PARP10: variants seen among roughly 807,000 people sequenced by gnomAD.
The protein encoded by PARP10 is protein mono-ADP-ribosyltransferase PARP10.
A neutral mutation model predicts 82.4 loss-of-function variants in PARP10; 56 were observed. The ratio of observed to expected loss-of-function variants is 0.68; its 90% CI spans 0.55 to 0.85. The LOEUF is 0.85. PARP10 is among the 40% of genes least tolerant of loss of function. The pLI is 0.00. For synonymous variants in PARP10, 576 were observed against 601.1 expected (o/e 0.96, Z 0.61); for missense variants, 1,227 against 1,379.4 (o/e 0.89, Z 1.75).
In PARP10 at chr8:143,984,390, A is replaced by C. The variant is rs782158914; in HGVS notation, c.1500T>G (p.Phe500Leu). The part of the protein sequence containing the change: ...AQASCQAAEE[F>L]LRSLLGSISC... ...TAATGCTGCCCAGCAGGCTCCGCAG[A>C]AACTCCTCAGCCGCCTGGCAGGAAG... Residue 500 changes from phenylalanine (F) to leucine (L), a missense_variant, in exon 6 of 11, where the codon TTT (phenylalanine) becomes TTG (leucine). Transcript: ENST00000313028. 22 of 1,612,476 alleles carry C rather than the reference A, an allele frequency of 1.4e-5. No individual in the cohort carries two copies. In the South Asian group the frequency reaches 2.4e-4, roughly 18 times the overall value.
chr8:143,984,416 C>G lies in PARP10; in HGVS notation c.1474G>C (p.Ala492Pro), dbSNP rs781795471. Residue 492 changes from alanine (A) to proline (P), a missense_variant, in exon 6 of 11, where the codon GCT becomes CCT. Transcript: ENST00000313028. ...MTGFRLCGAQ[A>P]SCQAAEEFLR... ...AACTCCTCAGCCGCCTGGCAGGAAG[C>G]CTGGGCTCCACAGAGCTGCAGGGCC... The G allele has an allele frequency of 1.2e-6, 2 of 1,609,742 alleles. No homozygotes were observed. The highest frequency in any genetic ancestry group is 2.7e-5 in the African/African-American group (2 of 74,864).
rs1554748476 is a variant in PARP10, at chr8:143,983,999, G to A, written c.1777+9C>T. ...ACAGGATGTGCTGAGGGCTCCCAGG[G>A]AGCCCTACCCAGGCTCACGTCCTCC... On this transcript the variant is annotated intron_variant, in intron 7 of 10. Coordinates refer to ENST00000313028, the MANE Select transcript of PARP10 (RefSeq NM_032789.5). 4 of 1,511,750 alleles carry A rather than the reference G, an allele frequency of 2.6e-6. No homozygotes were observed. Among genetic ancestry groups the A allele is most frequent in the African/African-American group, 1.4e-5 (1 of 71,474 alleles). 93.6% of individuals were successfully genotyped at this position (1,511,750 alleles called of 1,614,324 possible). A position where few individuals can be genotyped will look rare whatever the true frequency, so the allele number is the denominator to read the frequency against.
At chr8:143,992,084 C>A, upstream of PARP10, 1 of 1,613,022 alleles carries the variant, frequency 6.2e-7, no homozygotes, top group Non-Finnish European at 8.5e-7. Flanking sequence ...CACTGGTAAC[C>A]CCCAAACCTG....
chr8:144,001,873 C>CGTGTGTGTGTGTGT lies in PARP10; in HGVS notation c.-80+10643_-80+10656dup, dbSNP rs57117824. Among the ~76,000 whole-genome samples the CGTGTGTGTGTGTGT allele has an allele frequency of 2.5e-3, 336 of 136,496 alleles. 7 individuals are homozygous for CGTGTGTGTGTGTGT. The highest frequency in any genetic ancestry group is 8.6e-3 in the African/African-American group (316 of 36,850). 89.5% of individuals were successfully genotyped at this position (136,496 alleles called of 152,430 possible). A position where few individuals can be genotyped will look rare whatever the true frequency, so the allele number is the denominator to read the frequency against. On this transcript the variant is annotated intron_variant, in intron 1 of 3. Transcript: ENST00000530478. ...CAAGATCCATCTTTAAATATATATA[C>CGTGTGTGTGTGTGT]GTGTGTGTGTGTGTGTGTGTGTGTG...
upstream of PARP10, chr8:143,992,935 T>C (rs543745973): frequency 2.8e-6 from 3 of 1,060,636 alleles, no homozygotes; most frequent in South Asian, 2.9e-5. Flanking sequence ...CCCTCTCTCT[T>C]GTCCCCAGGC....
intron 1 of PARP10, among the ~76,000 whole-genome samples, chr8:144,004,557 C>A (rs1210190730): frequency 1.3e-5 from 2 of 152,188 alleles, no homozygotes; most frequent in African/African-American, 4.8e-5. Flanking sequence ...GAAGACTGGG[C>A]TAGATTTAAA....
intron 9 of PARP10, among the ~76,000 whole-genome samples, chr8:143,980,988 G>A (rs191192557): frequency 2.0e-4 from 31 of 152,092 alleles, no homozygotes; most frequent in Admixed American, 1.6e-3. Context: ...AGAGAGAAGC[G>A]AGGCCCATTC....
In PARP10 at chr8:143,985,551, C is replaced by T. The variant is rs781804714; in HGVS notation, c.534G>A (p.Val178=). ...GCAGGTCCACAGAGGCACCATCCCC[C>T]ACCACACGCACCGCTCGGGCCTGGG... ...RVPQARAVRV[V]GDGASVDLLL... The change falls in exon 4 of 11, where the codon GTG becomes GTA. Residue 178 remains valine, a synonymous_variant. Transcript: ENST00000313028. 1 of 1,614,060 alleles carries T rather than the reference C, an allele frequency of 6.2e-7. No homozygotes were observed. The highest frequency in any genetic ancestry group is 1.7e-5 in the Admixed American group (1 of 60,028).
chr8:143,997,462 G>T (rs1834171732), intron 1 of PARP10, among the ~76,000 whole-genome samples: 1 of 152,070 alleles, frequency 6.6e-6, no homozygotes, highest in South Asian at 2.1e-4. Context: ...ACGACCCTTG[G>T]CTATTTCTGG....
At chr8:143,983,947 G>A (rs2133047087) in intron 7 of PARP10, 61 bp downstream of exon 7, 1 of 1,476,002 alleles carries the variant, frequency 6.8e-7, no homozygotes, top group Middle Eastern at 1.8e-4. Flanking sequence ...CACAGAGCAG[G>A]GCAGGGGGTG....
chr8:143,993,718 G>C (rs147947145), upstream of PARP10, among the ~76,000 whole-genome samples: 2 of 152,204 alleles, frequency 1.3e-5, no homozygotes, highest in Admixed American at 1.3e-4. Context: ...CTCTTCTGTC[G>C]CCTGGGCCAG....
At chr8:143,993,137 C>T (rs1396888137), upstream of PARP10, 1 of 386,514 alleles carries the variant, frequency 2.6e-6, no homozygotes, top group Non-Finnish European at 4.8e-6. Flanking sequence ...CAGCCCACCC[C>T]AGGGACTGGG....
At chr8:144,009,976 TC>T (rs1280698311) in intron 1 of PARP10, among the ~76,000 whole-genome samples, 4 of 152,110 alleles carry the variant, frequency 2.6e-5, no homozygotes, top group Admixed American at 2.0e-4. Context: ...GTTTCTTCCC[TC>T]CAATCTGTTC....
At chr8:143,987,889 T>TG (rs1554749729), upstream of PARP10, among the ~76,000 whole-genome samples, 2 of 147,082 alleles carry the variant, frequency 1.4e-5, no homozygotes, top group African/African-American at 5.0e-5. Flanking sequence ...AGACTCTGTC[T>TG]AAAAAAAAAA....
upstream of PARP10, chr8:143,990,996 T>A: frequency 1.7e-5 from 6 of 352,930 alleles, no homozygotes; most frequent in Admixed American, 4.8e-5. The surrounding 1 kb of genome is among the most constrained non-coding windows in gnomAD (Gnocchi z 5.6). Context: ...CCTAGAGCCC[T>A]GGGAAGGCCC....
intron 1 of PARP10, among the ~76,000 whole-genome samples, chr8:144,009,033 G>C (rs1834254181): frequency 6.6e-6 from 1 of 152,174 alleles, no homozygotes; most frequent in East Asian, 1.9e-4. Context: ...GGAGGGGCTG[G>C]AAGCAGCAGA....
At chr8:143,986,764 T>A, upstream of PARP10, 2 of 304,488 alleles carry the variant, frequency 6.6e-6, no homozygotes, top group Non-Finnish European at 6.3e-6. Flanking sequence ...CCAAGGGGCC[T>A]GAGTCACTGC....
upstream of PARP10, chr8:143,991,189 G>C: frequency 6.6e-7 from 1 of 1,506,594 alleles, no homozygotes. Flanking sequence ...TTCCTTGTCT[G>C]TCTTCTCTAG....
upstream of PARP10, chr8:143,986,940 T>G (rs1432319991): frequency 6.2e-6 from 1 of 160,040 alleles, no homozygotes; most frequent in Non-Finnish European, 1.4e-5. Flanking sequence ...CATGGGCGGT[T>G]CCCCACCCTT....
Sources: allele counts gnomAD v4.1 joint callset (sites outside exome capture counted in the v4.1 genomes callset), GRCh38; gene constraint gnomAD v4.1.1; non-coding constraint Gnocchi (gnomAD v3.1); transcripts MANE v1.5; gene names NCBI Gene and HGNC (gene_info 2026-07-23, HGNC 2026-07-21).